The following SNRPN variants were observed in gnomAD, a reference collection of about 807,000 sequenced individuals.
SNRPN encodes the protein small nuclear ribonucleoprotein polypeptide N, also known as small nuclear ribonucleoprotein-associated protein N.
A neutral mutation model predicts 25.2 loss-of-function variants in SNRPN; 7 were observed. The ratio of observed to expected loss-of-function variants is 0.28; its 90% CI spans 0.16 to 0.52. The LOEUF (loss-of-function observed/expected upper bound fraction) is 0.52. Among genes scored for constraint, SNRPN ranks in the 20% least tolerant of loss-of-function variants. The pLI is 0.96. For synonymous variants in SNRPN, 124 were observed against 110.6 expected, an observed-to-expected ratio of 1.12 and a Z score of -0.76; for missense variants, 196 against 322.5, an observed-to-expected ratio of 0.61 and a Z score of 3.00.
intron 2 of SNRPN, among the ~76,000 whole-genome samples, chr15:24,841,001 C>G (rs1284118978): frequency 1.3e-5 from 2 of 152,034 alleles, no homozygotes; most frequent in Non-Finnish European, 2.9e-5. Flanking sequence ...ACCACCATGC[C>G]CTGCTAATTT....
At chr15:24,954,475 G>GA (rs2062526143), upstream of SNRPN, among the ~76,000 whole-genome samples, 1 of 152,132 alleles carries the variant, frequency 6.6e-6, no homozygotes. Context: ...GTAGAAAGTA[G>GA]AAAAAGGGTA....
At chr15:24,923,827 G>T (rs555622486) in intron 3 of SNRPN, among the ~76,000 whole-genome samples, 2 of 150,410 alleles carry the variant, frequency 1.3e-5, no homozygotes, top group Non-Finnish European at 3.0e-5. Flanking sequence ...GGTCTTCTCA[G>T]TTGCTGGAGT....
chr15:24,917,647 C>A (rs926364725), intron 2 of SNRPN, among the ~76,000 whole-genome samples: 4 of 152,238 alleles, frequency 2.6e-5, no homozygotes, highest in Non-Finnish European at 5.9e-5. Context: ...CTAGCAGGGG[C>A]CAAACCCGCC....
intron 3 of SNRPN, among the ~76,000 whole-genome samples, chr15:24,930,285 T>A (rs1169052441): frequency 6.7e-6 from 1 of 149,746 alleles, no homozygotes; most frequent in Admixed American, 6.6e-5. Flanking sequence ...GTTAAATAGA[T>A]GATTTATTAG....
chr15:24,921,534 T>C (rs913317496), intron 3 of SNRPN, among the ~76,000 whole-genome samples: 14 of 151,938 alleles, frequency 9.2e-5, no homozygotes, highest in South Asian at 2.1e-4. Context: ...ATATGTAGGG[T>C]CAGGTTCTCC....
chr15:24,907,204 A>G (rs894688090), intron 2 of SNRPN, among the ~76,000 whole-genome samples: 2 of 152,194 alleles, frequency 1.3e-5, no homozygotes, highest in East Asian at 3.9e-4. Context: ...TTCGCAGCCC[A>G]GGAAGTCAGG....
intron 2 of SNRPN, among the ~76,000 whole-genome samples, chr15:24,906,677 T>C (rs995757289): frequency 6.6e-6 from 1 of 152,170 alleles, no homozygotes; most frequent in African/African-American, 2.4e-5. Flanking sequence ...TTCCTGCATC[T>C]ATTATCTCAA....
intron 3 of SNRPN, among the ~76,000 whole-genome samples, chr15:24,972,613 C>T (rs565296284): frequency 4.1e-4 from 60 of 148,140 alleles, no homozygotes; most frequent in African/African-American, 1.1e-3. Flanking sequence ...GTGCGATCTC[C>T]GCTCAAAAAG....
chr15:24,934,071 G>A (rs1166676324), intron 3 of SNRPN, among the ~76,000 whole-genome samples: 1 of 152,096 alleles, frequency 6.6e-6, no homozygotes, highest in Non-Finnish European at 1.5e-5. Flanking sequence ...GCCGAGGCGG[G>A]CGAATCACCT....
chr15:24,862,391 A>C (rs923625216), intron 1 of SNRPN, among the ~76,000 whole-genome samples: 1 of 150,736 alleles, frequency 6.6e-6, no homozygotes, highest in Non-Finnish European at 1.5e-5. Flanking sequence ...GGGCAGAATC[A>C]GGGCTCACAT....
rs752739804 is a variant in SNRPN, at chr15:24,977,765, C to T, written c.421-13C>T. 7.0e-6 allele frequency: 11 copies of T among 1,581,174 alleles called. No homozygotes were observed. Among genetic ancestry groups the T allele is most frequent in the East Asian group, 2.3e-5 (1 of 44,076 alleles). On this transcript the variant is annotated splice_polypyrimidine_tract_variant and intron_variant, in intron 7 of 9. Transcript: ENST00000390687. ...TTGCATCGCTTTGACTGTTTCCCGC[C>T]CTGCCTTCTCAGGTAATGACTCCAC...
chr15:24,909,032 T>C, intron 2 of SNRPN: 3 of 1,432,392 alleles, frequency 2.1e-6, no homozygotes, highest in Non-Finnish European at 2.9e-6. Context: ...GTTCCACCTC[T>C]TCTTTTTAAC....
At chr15:24,844,894 A>G (rs1429831400) in intron 2 of SNRPN, among the ~76,000 whole-genome samples, 1 of 152,232 alleles carries the variant, frequency 6.6e-6, no homozygotes, top group Non-Finnish European at 1.5e-5. Flanking sequence ...ACACAAGGTC[A>G]TAAAGATTAC....
At chr15:24,925,724 G>A (rs1364740858) in intron 3 of SNRPN, among the ~76,000 whole-genome samples, 2 of 147,694 alleles carry the variant, frequency 1.4e-5, no homozygotes, top group Non-Finnish European at 3.0e-5. Flanking sequence ...GACCATAGGT[G>A]CATACCACCA....
At chr15:24,849,928 C>T (rs1287796845) in intron 2 of SNRPN, 1 of 152,144 alleles carries the variant, frequency 6.6e-6, no homozygotes, top group Non-Finnish European at 1.5e-5. Context: ...CAATAATGAA[C>T]GTAATTCATA....
At chr15:24,886,844 A>G (rs2057241220) in intron 2 of SNRPN, among the ~76,000 whole-genome samples, 1 of 152,094 alleles carries the variant, frequency 6.6e-6, no homozygotes, top group African/African-American at 2.4e-5. Flanking sequence ...TATTATTTCC[A>G]TTTTCCAAAA....
intron 1 of SNRPN, among the ~76,000 whole-genome samples, chr15:24,883,678 T>C (rs146456226): frequency 6.6e-6 from 1 of 152,262 alleles, no homozygotes; most frequent in Admixed American, 6.5e-5. Context: ...ATTCACTATA[T>C]GATTATAATA....
chr15:24,934,726 T>G (rs1021601621), intron 3 of SNRPN, among the ~76,000 whole-genome samples: 2 of 152,120 alleles, frequency 1.3e-5, no homozygotes, highest in African/African-American at 4.8e-5. Context: ...CAGCTAATCT[T>G]TTGTATTTTT....
chr15:24,950,568 G>A (rs1236189584), upstream of SNRPN, among the ~76,000 whole-genome samples: 3 of 96,524 alleles, frequency 3.1e-5, no homozygotes, highest in Admixed American at 2.1e-4. Context: ...TTTTTTTTTG[G>A]TGACAGGTTT....
Sources: gnomAD v4.1 joint callset for allele counts (sites outside exome capture counted in the v4.1 genomes callset) on GRCh38, gnomAD v4.1.1 for gene constraint, MANE v1.5 for transcripts, NCBI Gene and HGNC (gene_info 2026-07-23, HGNC 2026-07-21) for gene names.